GRM7: variants seen among roughly 807,000 people sequenced by gnomAD.
The protein encoded by GRM7 is metabotropic glutamate receptor 7.
In GRM7, 35 loss-of-function variants were observed where a neutral mutation model predicts 84.5. The ratio of observed to expected loss-of-function variants is 0.41; its 90% CI spans 0.32 to 0.55. The LOEUF is 0.55. GRM7 is among the 20% of genes least tolerant of loss of function. GRM7 has a pLI of 0.19. For missense variants in GRM7, 1,003 were observed against 1,194.6 expected (o/e 0.84, Z 2.36); for synonymous variants, 487 against 455.1 (o/e 1.07, Z -0.89).
chr3:7,307,072 G>C (rs1700220543), intron 4 of GRM7, among the ~76,000 whole-genome samples: 1 of 152,000 alleles, frequency 6.6e-6, no homozygotes, highest in African/African-American at 2.4e-5. Flanking sequence ...TATCTCTCAA[G>C]GTCCCTTCCA....
chr3:7,682,539 TACACACACACAC>T (rs35042061), intron 9 of GRM7, among the ~76,000 whole-genome samples: 7 of 117,886 alleles, frequency 5.9e-5, no homozygotes, highest in Middle Eastern at 8.1e-3. Context: ...TTTATTTTTG[TACACACACACAC>T]ACACACACAC....
chr3:6,926,185 G>T (rs1253786728), intron 1 of GRM7, among the ~76,000 whole-genome samples: 1 of 152,076 alleles, frequency 6.6e-6, no homozygotes, highest in Non-Finnish European at 1.5e-5. Flanking sequence ...ATAGCATAAA[G>T]AAAAACACAA....
At chr3:7,532,243 C>T (rs1264206225) in intron 7 of GRM7, among the ~76,000 whole-genome samples, 2 of 152,052 alleles carry the variant, frequency 1.3e-5, no homozygotes, top group African/African-American at 4.8e-5. Flanking sequence ...GCTGTGAATC[C>T]GTTTGGTCGG....
In GRM7 at chr3:7,569,910, G is replaced by A. The variant is rs145156766; in HGVS notation, c.1516-8512G>A. On this transcript the variant is annotated intron_variant, in intron 7 of 9. Coordinates refer to ENST00000357716, the MANE Select transcript of GRM7 (RefSeq NM_000844.4). ...GCCTTTAAGAACTGCAACACTCACC[G>A]CGAGGGTCCGTGGCTTCATTCTTGA... 6.5e-3 allele frequency among the ~76,000 whole-genome samples: 985 copies of A among 152,270 alleles called. 13 individuals carry two copies. Among genetic ancestry groups the A allele is most frequent in the African/African-American group, 0.02 (844 of 41,548 alleles).
chr3:7,006,444 G>A (rs1041173647), intron 1 of GRM7, among the ~76,000 whole-genome samples: 16 of 152,178 alleles, frequency 1.1e-4, no homozygotes, highest in African/African-American at 2.4e-4. Flanking sequence ...TTCTTGGTAA[G>A]TTGATGTTCT....
At position 7,668,865 on chromosome 3, in the gene GRM7, GC is replaced by G. The variant is rs1192758300; in HGVS notation, c.2452-11183del. Among the ~76,000 whole-genome samples, 7 of 152,368 alleles carry G rather than the reference GC, an allele frequency of 4.6e-5. No homozygotes were observed. In the East Asian group the frequency reaches 1.3e-3, roughly 29 times the overall value. On this transcript the variant is annotated intron_variant, in intron 8 of 9. Transcript: ENST00000357716. ...TGTTTCTTGCTCCAGGTACTAAGAT[GC>G]AAGATAATGTAAATATGGCCCATGC...
At chr3:7,225,330 T>C (rs1344017424) in intron 2 of GRM7, among the ~76,000 whole-genome samples, 1 of 149,796 alleles carries the variant, frequency 6.7e-6, no homozygotes, top group Non-Finnish European at 1.5e-5. Context: ...TGGGTTATAA[T>C]ATATAACTTA....
At chr3:7,176,651 C>A (rs1462948371) in intron 2 of GRM7, among the ~76,000 whole-genome samples, 1 of 152,146 alleles carries the variant, frequency 6.6e-6, no homozygotes, top group Non-Finnish European at 1.5e-5. Flanking sequence ...CTTCCAGGCA[C>A]CCATACTGGA....
intron 4 of GRM7, among the ~76,000 whole-genome samples, chr3:7,351,581 A>G (rs956439287): frequency 1.3e-5 from 2 of 152,048 alleles, no homozygotes; most frequent in South Asian, 2.1e-4. Flanking sequence ...GGACCAAGAA[A>G]GGAAGACATG....
chr3:6,912,520 C>A (rs973395859), intron 1 of GRM7, among the ~76,000 whole-genome samples: 2 of 152,184 alleles, frequency 1.3e-5, no homozygotes, highest in Non-Finnish European at 2.9e-5. Flanking sequence ...TCCGTGCTAT[C>A]CTCTCATTTG....
At chr3:7,242,137 C>G (rs1272322508) in intron 2 of GRM7, among the ~76,000 whole-genome samples, 1 of 152,116 alleles carries the variant, frequency 6.6e-6, no homozygotes, top group East Asian at 1.9e-4. Flanking sequence ...CAGGATATAT[C>G]TAGGCATCAG....
chr3:7,213,392 A>T (rs1385204358), intron 2 of GRM7, among the ~76,000 whole-genome samples: 1 of 152,152 alleles, frequency 6.6e-6, no homozygotes, highest in African/African-American at 2.4e-5. Context: ...ACAACTTAAG[A>T]GGTAGTAAGG....
chr3:7,377,575 G>A (rs1694406262), intron 4 of GRM7, among the ~76,000 whole-genome samples: 1 of 152,110 alleles, frequency 6.6e-6, no homozygotes, highest in African/African-American at 2.4e-5. Context: ...CCTGTGGAGT[G>A]TTAGAAAGAA....
chr3:7,225,802 G>C (rs1317200762), intron 2 of GRM7, among the ~76,000 whole-genome samples: 1 of 151,922 alleles, frequency 6.6e-6, no homozygotes, highest in Non-Finnish European at 1.5e-5. Flanking sequence ...TTTCAGGGAA[G>C]ATTCTGAATC....
intron 2 of GRM7, among the ~76,000 whole-genome samples, chr3:7,161,297 G>A (rs1694616601): frequency 6.6e-6 from 1 of 151,882 alleles, no homozygotes; most frequent in African/African-American, 2.4e-5. Flanking sequence ...ACAAATTGGG[G>A]CCATTTCCTT....
At chr3:7,131,411 T>C (rs1447889701) in intron 1 of GRM7, among the ~76,000 whole-genome samples, 2 of 152,160 alleles carry the variant, frequency 1.3e-5, no homozygotes, top group Non-Finnish European at 2.9e-5. Flanking sequence ...GCTGTTGAGG[T>C]GTCTGTGCAT....
chr3:7,047,085 C>T (rs1408564333), intron 1 of GRM7, among the ~76,000 whole-genome samples: 1 of 151,500 alleles, frequency 6.6e-6, no homozygotes, highest in Non-Finnish European at 1.5e-5. Flanking sequence ...TAGTATATAC[C>T]AAGGGCCAGA....
chr3:7,276,818 A>AT (rs372136300), intron 2 of GRM7, among the ~76,000 whole-genome samples: 99,560 of 99,560 alleles, frequency 1, 49,780 homozygotes, highest in Non-Finnish European at 1. Context: ...TGGTGGTGGC[A>AT]TGTTGTTGTA....
chr3:7,435,587 G>A (rs1032869577), intron 5 of GRM7, among the ~76,000 whole-genome samples: 11 of 151,320 alleles, frequency 7.3e-5, no homozygotes, highest in Admixed American at 1.3e-4. Flanking sequence ...ATCTCAGCTC[G>A]CTGCAACCTC....
Sources: gnomAD v4.1 joint callset for allele counts (sites outside exome capture counted in the v4.1 genomes callset) on GRCh38, gnomAD v4.1.1 for gene constraint, MANE v1.5 for transcripts, NCBI Gene and HGNC (gene_info 2026-07-23, HGNC 2026-07-21) for gene names.